Variants in SLC39A11 observed in about 807,000 individuals in gnomAD.
The protein encoded by SLC39A11 is zinc transporter ZIP11.
SLC39A11 carries 33 observed loss-of-function variants against 36.1 expected under a neutral mutation model. That is an observed-to-expected ratio of 0.91 (90% CI 0.69 to 1.22). The LOEUF (loss-of-function observed/expected upper bound fraction) is 1.22, where lower values mean the gene tolerates loss of function less well. Ranked by LOEUF, SLC39A11 falls within the 50% of genes most tolerant of loss-of-function variation. The pLI, the probability that SLC39A11 is intolerant of heterozygous loss-of-function variation, is 0.00. For missense variants in SLC39A11, 432 were observed against 430.3 expected (o/e 1.00, Z -0.03); for synonymous variants, 166 against 170.3 (o/e 0.97, Z 0.20).
intron 6 of SLC39A11, among the ~76,000 whole-genome samples, chr17:72,789,729 T>C (rs1182836394): frequency 6.6e-6 from 1 of 152,226 alleles, no homozygotes; most frequent in Non-Finnish European, 1.5e-5. Flanking sequence ...GGTTCTTTAT[T>C]ATATAGAACC....
At chr17:72,944,936 T>C (rs959053241) in intron 5 of SLC39A11, among the ~76,000 whole-genome samples, 2 of 152,248 alleles carry the variant, frequency 1.3e-5, no homozygotes, top group Admixed American at 6.5e-5. Flanking sequence ...CTAGAAACGA[T>C]GTTTGTGTCT....
intron 3 of SLC39A11, among the ~76,000 whole-genome samples, chr17:73,040,179 T>G (rs564794156): frequency 2.6e-5 from 4 of 152,326 alleles, no homozygotes; most frequent in Admixed American, 2.0e-4. Context: ...TGTTAAATAC[T>G]TGCTTCACAA....
intron 6 of SLC39A11, among the ~76,000 whole-genome samples, chr17:72,751,515 G>A (rs2075155346): frequency 6.6e-6 from 1 of 152,042 alleles, no homozygotes; most frequent in South Asian, 2.1e-4. Context: ...ATTTTTAAGT[G>A]TACATTCATT....
At chr17:72,672,360 A>G (rs966506172) in intron 7 of SLC39A11, among the ~76,000 whole-genome samples, 3 of 152,176 alleles carry the variant, frequency 2.0e-5, no homozygotes, top group African/African-American at 7.2e-5. Context: ...GAGGCATGAA[A>G]GTAGCTTGAA....
chr17:73,063,234 G>A (rs574151548), intron 3 of SLC39A11, among the ~76,000 whole-genome samples: 20 of 152,172 alleles, frequency 1.3e-4, no homozygotes, highest in Non-Finnish European at 2.6e-4. Context: ...GAAGGTAACT[G>A]AATCAATTGG....
At chr17:72,844,450 G>T (rs35450802) in intron 6 of SLC39A11, among the ~76,000 whole-genome samples, 1 of 151,964 alleles carries the variant, frequency 6.6e-6, no homozygotes, top group Admixed American at 6.5e-5. Flanking sequence ...AGGTGGATCA[G>T]TTGAGTCCAG....
chr17:72,994,078 C>G (rs2089353437), intron 4 of SLC39A11, among the ~76,000 whole-genome samples: 2 of 152,222 alleles, frequency 1.3e-5, no homozygotes, highest in African/African-American at 4.8e-5. Context: ...CCGTTACAGT[C>G]ATGAACTGCC....
intron 4 of SLC39A11, among the ~76,000 whole-genome samples, chr17:72,951,565 A>G (rs1005859283): frequency 1.3e-5 from 2 of 152,218 alleles, no homozygotes; most frequent in Non-Finnish European, 2.9e-5. Flanking sequence ...CCTTCGAGAG[A>G]CAGATGATAA....
intron 5 of SLC39A11, among the ~76,000 whole-genome samples, chr17:72,903,407 A>G (rs1598352921): frequency 6.6e-6 from 1 of 152,214 alleles, no homozygotes; most frequent in Non-Finnish European, 1.5e-5. Flanking sequence ...TCTGAGGCAC[A>G]ACTCCATCTA....
chr17:72,737,444 T>A (rs1026514614), intron 6 of SLC39A11, among the ~76,000 whole-genome samples: 2 of 152,176 alleles, frequency 1.3e-5, no homozygotes, highest in Admixed American at 1.3e-4. Context: ...TGGCCTGAAA[T>A]CTAAAATATT....
chr17:72,777,036 G>A (rs187105581), intron 6 of SLC39A11, among the ~76,000 whole-genome samples: 12 of 152,296 alleles, frequency 7.9e-5, no homozygotes, highest in African/African-American at 2.9e-4. Flanking sequence ...AGGATTGGCT[G>A]AGGTCAAGGG....
intron 3 of SLC39A11, among the ~76,000 whole-genome samples, chr17:73,077,257 T>C (rs1431990477): frequency 6.6e-6 from 1 of 152,214 alleles, no homozygotes; most frequent in Admixed American, 6.5e-5. Flanking sequence ...TGACATTCCC[T>C]ATGCATCTGG....
chr17:72,851,268 GT>G (rs2079304084), intron 5 of SLC39A11, among the ~76,000 whole-genome samples: 1 of 152,136 alleles, frequency 6.6e-6, no homozygotes, highest in African/African-American at 2.4e-5. Context: ...AATATCCATG[GT>G]CCCCTGGGCT....
At chr17:72,967,437 C>T (rs2148004753) in intron 4 of SLC39A11, among the ~76,000 whole-genome samples, 1 of 137,754 alleles carries the variant, frequency 7.3e-6, no homozygotes, top group East Asian at 2.1e-4. Context: ...ATCTAGAAGA[C>T]CAGCTCCTAA....
intron 7 of SLC39A11, among the ~76,000 whole-genome samples, chr17:72,675,676 C>A (rs989249928): frequency 7.1e-6 from 1 of 141,628 alleles, no homozygotes; most frequent in East Asian, 2.1e-4. Context: ...TGATGCCCGG[C>A]GCCAGATGTC....
chr17:73,010,943 C>G (rs1261371221), intron 4 of SLC39A11, among the ~76,000 whole-genome samples: 1 of 152,198 alleles, frequency 6.6e-6, no homozygotes, highest in Non-Finnish European at 1.5e-5. Context: ...CACAACCTCT[C>G]CAATTATTCT....
At chr17:72,710,547 G>T (rs1188194250) in intron 7 of SLC39A11, among the ~76,000 whole-genome samples, 2 of 152,192 alleles carry the variant, frequency 1.3e-5, no homozygotes, top group African/African-American at 2.4e-5. Context: ...GGAGCAGAGA[G>T]CAAGCCCTTC....
intron 6 of SLC39A11, among the ~76,000 whole-genome samples, chr17:72,778,117 C>T (rs1419383859): frequency 2.6e-5 from 4 of 152,168 alleles, no homozygotes; most frequent in African/African-American, 9.7e-5. Flanking sequence ...GTTGGCCACA[C>T]TGGTCTTGAA....
chr17:73,031,758 A>AAGGCTTTCC (rs1186254263), intron 3 of SLC39A11, 44 bp from the exon 4 acceptor site: 3 of 1,600,358 alleles, frequency 1.9e-6, no homozygotes, highest in Non-Finnish European at 2.6e-6. Flanking sequence ...GCAACTGCAG[A>AAGGCTTTCC]AGGCTTTCCA....
Sources: gnomAD v4.1 joint callset for allele counts (sites outside exome capture counted in the v4.1 genomes callset) on GRCh38, gnomAD v4.1.1 for gene constraint, MANE v1.5 for transcripts, NCBI Gene and HGNC (gene_info 2026-07-23, HGNC 2026-07-21) for gene names.